Variants in CSPP1 observed in about 807,000 individuals in gnomAD.
CSPP1 encodes centrosome and spindle pole-associated protein 1.
A neutral mutation model predicts 164.4 loss-of-function variants in CSPP1; 126 were observed. The ratio of observed to expected loss-of-function variants is 0.77; its 90% confidence interval spans 0.66 to 0.89. The LOEUF (loss-of-function observed/expected upper bound fraction) is 0.89. Ranked by LOEUF, CSPP1 falls within the 40% of genes least tolerant of loss-of-function variation. The pLI, the probability that CSPP1 is intolerant of heterozygous loss-of-function variation, is 0.00. For synonymous variants in CSPP1, 472 were observed against 476.7 expected, an observed-to-expected ratio of 0.99 and a Z score of 0.13; for missense variants, 1,395 against 1,449.8, an observed-to-expected ratio of 0.96 and a Z score of 0.61.
rs747784602 is a variant in CSPP1, at chr8:67,095,459, A to G, written c.650A>G (p.Tyr217Cys). 6.2e-7 allele frequency: 1 copy of G among 1,613,590 alleles called. No individual in the cohort carries two copies. The highest frequency in any genetic ancestry group is 8.5e-7 in the Non-Finnish European group (1 of 1,179,914). ...LNQRRLEEDR[Y>C]RQLDDEIELR... Reference sequence around the variant, plus strand: ...CAAAGACGACTAGAGGAGGACAGATACCGACAACTAGATGATGAAATCGAA... The same window carrying G: ...CAAAGACGACTAGAGGAGGACAGATGCCGACAACTAGATGATGAAATCGAA... The change falls in exon 7 of 31, where the codon TAC (tyrosine) becomes TGC (cysteine). Residue 217 changes from tyrosine (Y) to cysteine (C), a missense_variant. Coordinates refer to ENST00000678616, the MANE Select transcript of CSPP1 (RefSeq NM_001382391.1).
intron 4 of CSPP1, 25 bp downstream of exon 4, chr8:67,086,135 G>T: frequency 2.0e-6 from 2 of 998,624 alleles, no homozygotes; most frequent in South Asian, 2.5e-5. Context: ...TAATGAGTTG[G>T]GTTTAATGTT....
rs568184231 is a variant in CSPP1 at position 67,159,832 on chromosome 8, T to C, written c.2538+695T>C. Among the ~76,000 whole-genome samples, 129 of 125,542 alleles carry C rather than the reference T, an allele frequency of 1.0e-3. 1 individual carries two copies. Among genetic ancestry groups the C allele is most frequent in the African/African-American group, 2.6e-3 (70 of 27,342 alleles). The allele number at this position is 125,542 out of a possible 152,430, so 82.4% of individuals were successfully genotyped here. On this transcript the variant is annotated intron_variant, in intron 21 of 30. Transcript: ENST00000678616. ...CCACCACGCCCGGCCTTCTCTCTCT[T>C]TCTTTCTTTCTTTCTTTCTTTTTCT...
intron 7 of CSPP1, among the ~76,000 whole-genome samples, chr8:67,097,267 A>G (rs1035171717): frequency 3.3e-5 from 5 of 152,306 alleles, no homozygotes; most frequent in East Asian, 1.9e-4. Flanking sequence ...TGTACATTCA[A>G]TATTCTAACT....
At chr8:67,159,954 C>T (rs865872343) in intron 21 of CSPP1, among the ~76,000 whole-genome samples, 580 of 31,326 alleles carry the variant, frequency 0.019, 46 homozygotes, top group Middle Eastern at 0.047. Context: ...TCCTTCCTTC[C>T]TTCTTTCTTT....
intron 3 of CSPP1, among the ~76,000 whole-genome samples, chr8:67,077,623 G>T (rs1014338245): frequency 2.7e-4 from 41 of 152,244 alleles, no homozygotes; most frequent in African/African-American, 9.2e-4. Context: ...ACAGGCGTGA[G>T]CCACTGTGCC....
At chr8:67,123,579 A>G (rs1247063513) in intron 15 of CSPP1, among the ~76,000 whole-genome samples, 1 of 141,490 alleles carries the variant, frequency 7.1e-6, no homozygotes, top group African/African-American at 2.6e-5. Flanking sequence ...TATTCCTCTA[A>G]TCCTCCTTTA....
chr8:67,170,661 A>G (rs1408403015), intron 24 of CSPP1, among the ~76,000 whole-genome samples: 1 of 152,192 alleles, frequency 6.6e-6, no homozygotes, highest in Admixed American at 6.5e-5. Flanking sequence ...ATTTTAAAGT[A>G]AGGCTGAATC....
chr8:67,121,877 A>G (rs927168490), intron 15 of CSPP1, among the ~76,000 whole-genome samples: 3 of 151,876 alleles, frequency 2.0e-5, no homozygotes, highest in Non-Finnish European at 4.4e-5. Context: ...TTTCTTCATG[A>G]TTTAGTCTTG....
chr8:67,139,398 C>A (rs1391129874), intron 17 of CSPP1, among the ~76,000 whole-genome samples: 1 of 151,798 alleles, frequency 6.6e-6, no homozygotes, highest in Non-Finnish European at 1.5e-5. Flanking sequence ...GTTGGTGGGA[C>A]TGTAAACTAG....
chr8:67,169,991 G>A (rs962881404), intron 24 of CSPP1, among the ~76,000 whole-genome samples: 2 of 151,636 alleles, frequency 1.3e-5, no homozygotes, highest in African/African-American at 2.4e-5. Flanking sequence ...CAAGCAATAC[G>A]TCGGCTTCTC....
intron 21 of CSPP1, among the ~76,000 whole-genome samples, chr8:67,159,919 T>TCTTTCTTTCTTTCCTTTC: frequency 3.4e-5 from 2 of 59,360 alleles, no homozygotes; most frequent in East Asian, 4.7e-4. Context: ...TTTCTTTCTT[T>TCTTTCTTTCTTTCCTTTC]CTTTCCTTTC....
chr8:67,074,812 G>A (rs977257159), intron 2 of CSPP1: 7 of 293,154 alleles, frequency 2.4e-5, no homozygotes, highest in East Asian at 1.5e-4. Flanking sequence ...ATAGAATCTC[G>A]CTCTGTTGGC....
chr8:67,139,287 A>G (rs1236685192), intron 17 of CSPP1, among the ~76,000 whole-genome samples: 2 of 152,182 alleles, frequency 1.3e-5, no homozygotes, highest in South Asian at 2.1e-4. Flanking sequence ...TCAAAACCAC[A>G]ATGAGATACC....
Position 67,170,999 on chromosome 8 carries a change from G to A in CSPP1, c.2829-1417G>A, listed in dbSNP as rs954503485. Among the ~76,000 whole-genome samples the A allele has an allele frequency of 8.8e-4, 133 of 151,136 alleles. 1 individual carries two copies. The highest frequency in any genetic ancestry group is 2.9e-3 in the African/African-American group (121 of 41,358). ...GATGGGGTTTCACCGTGTTAGCCAGGATGGTCTTGATCTCCTGACCTCGTG... is the reference window on the plus strand; with the variant it reads ...GATGGGGTTTCACCGTGTTAGCCAGAATGGTCTTGATCTCCTGACCTCGTG... On this transcript the variant is annotated intron_variant, in intron 24 of 30. Coordinates refer to ENST00000678616, the MANE Select transcript of CSPP1 (RefSeq NM_001382391.1).
chr8:67,091,863 G>T lies in CSPP1; in HGVS notation c.364G>T (p.Gly122Cys). The change falls in exon 5 of 31, where the codon GGT becomes TGT. Residue 122 changes from glycine (G) to cysteine (C), a missense_variant. By Grantham distance (159) the Gly-to-Cys change is radical (BLOSUM62 -3). Transcript: ENST00000678616. ...PSTLGVSLPI[G>C]ERLSAKERLK... ...TACTTTGGGAGTTTCTCTTCCTATT[G>T]GTGAGAGGTTATCTGCTAAGGTAGG... 1 of 1,345,738 alleles carries T rather than the reference G, an allele frequency of 7.4e-7. No homozygotes were observed. The highest frequency in any genetic ancestry group is 9.9e-7 in the Non-Finnish European group (1 of 1,010,292). 83.4% of individuals were successfully genotyped at this position (1,345,738 alleles called of 1,614,324 possible). A position where few individuals can be genotyped will look rare whatever the true frequency, so the allele number is the denominator to read the frequency against.
At position 67,164,441 on chromosome 8, in the gene CSPP1, C is replaced by G; in HGVS notation, c.2761C>G (p.Arg921Gly). Reference protein sequence around the residue: ...MELSEMRKQLRSEERRLQERL... With the variant: ...MELSEMRKQLGSEERRLQERL... ...ATTATCAGAAATGAGAAAACAGCTT[C>G]GTAGTGAAGAGAGGCGTCTACAAGA... The change falls in exon 24 of 31, where the codon CGT becomes GGT. Residue 921 changes from arginine (R) to glycine (G), a missense_variant. Transcript: ENST00000678616. 1.2e-6 allele frequency: 2 copies of G among 1,606,192 alleles called. No individual in the cohort carries two copies. The highest frequency in any genetic ancestry group is 8.5e-7 in the Non-Finnish European group (1 of 1,173,156).
At chr8:67,090,667 A>T (rs1435637389) in intron 4 of CSPP1, among the ~76,000 whole-genome samples, 1 of 152,216 alleles carries the variant, frequency 6.6e-6, no homozygotes, top group Non-Finnish European at 1.5e-5. Context: ...TATTGTAGTT[A>T]ATACGTTGTT....
At chr8:67,128,896 A>AT (rs1820651761) in intron 15 of CSPP1, among the ~76,000 whole-genome samples, 1 of 152,166 alleles carries the variant, frequency 6.6e-6, no homozygotes, top group South Asian at 2.1e-4. Context: ...CTTGAGGTGT[A>AT]TTTCTTACTT....
chr8:67,115,818 C>T (rs907035481), intron 12 of CSPP1, 96 bp from the exon 13 acceptor site: 5 of 789,176 alleles, frequency 6.3e-6, no homozygotes, highest in South Asian at 3.2e-5. Flanking sequence ...CTGTGACTGT[C>T]TTAAGTGCCT....
Sources: gnomAD v4.1 joint callset for allele counts (sites outside exome capture counted in the v4.1 genomes callset) on GRCh38, gnomAD v4.1.1 for gene constraint, MANE v1.5 for transcripts, NCBI Gene and HGNC (gene_info 2026-07-23, HGNC 2026-07-21) for gene names.